Variants in INPP4B observed in about 807,000 individuals in gnomAD.
The protein encoded by INPP4B is inositol polyphosphate 4-phosphatase type II.
A neutral mutation model predicts 122.5 loss-of-function variants in INPP4B; 55 were observed. The ratio of observed to expected loss-of-function variants is 0.45; its 90% confidence interval spans 0.36 to 0.56. The LOEUF (loss-of-function observed/expected upper bound fraction) is 0.56, where lower values mean the gene tolerates loss of function less well. Among genes scored for constraint, INPP4B ranks in the 20% least tolerant of loss-of-function variants. The pLI, the probability that INPP4B is intolerant of heterozygous loss-of-function variation, is 0.00. For missense variants in INPP4B, 1,000 were observed against 1,097.7 expected (o/e 0.91, Z 1.26); for synonymous variants, 403 against 388.7 (o/e 1.04, Z -0.43).
intron 17 of INPP4B, among the ~76,000 whole-genome samples, chr4:142,147,166 G>C (rs1277488130): frequency 6.6e-6 from 1 of 152,056 alleles, no homozygotes; most frequent in East Asian, 1.9e-4. Context: ...CTATAATAGA[G>C]CTATCCCAGG....
At chr4:142,508,050 A>C (rs1824237416) in intron 2 of INPP4B, among the ~76,000 whole-genome samples, 2 of 152,060 alleles carry the variant, frequency 1.3e-5, no homozygotes, top group South Asian at 4.2e-4. Flanking sequence ...TACCACTTTG[A>C]GATATAGATC....
chr4:142,471,673 G>A (rs761740878), intron 2 of INPP4B, among the ~76,000 whole-genome samples: 2 of 152,174 alleles, frequency 1.3e-5, no homozygotes, highest in Non-Finnish European at 2.9e-5. Flanking sequence ...AGCAGTGTAG[G>A]CAGAGATACC....
intron 2 of INPP4B, among the ~76,000 whole-genome samples, chr4:142,465,240 C>A (rs1560689057): frequency 6.6e-6 from 1 of 151,494 alleles, no homozygotes. Context: ...GTCTTTCAGA[C>A]TTTTTTTTTG....
At chr4:142,303,155 C>T (rs1475986488) in intron 9 of INPP4B, among the ~76,000 whole-genome samples, 1 of 152,098 alleles carries the variant, frequency 6.6e-6, no homozygotes, top group African/African-American at 2.4e-5. Flanking sequence ...ATCCTCTGCC[C>T]TTGATCTCCA....
Position 142,086,860 on chromosome 4 carries a change from C to T in INPP4B, c.2375-604G>A, listed in dbSNP as rs552722315. Among the ~76,000 whole-genome samples, 19 of 152,330 alleles carry T rather than the reference C, an allele frequency of 1.2e-4. No homozygotes were observed. In the South Asian group the frequency reaches 3.9e-3, roughly 32 times the overall value. ...GACAAAGATGTTGGCTTCTGTCTCA[C>T]TTTAACAAAAGCATAAGACATAGAT... On this transcript the variant is annotated intron_variant, in intron 23 of 25. Transcript: ENST00000262992.
At chr4:142,759,956 G>C (rs994882272) in intron 1 of INPP4B, among the ~76,000 whole-genome samples, 2 of 151,838 alleles carry the variant, frequency 1.3e-5, no homozygotes, top group Non-Finnish European at 2.9e-5. Context: ...CAGGAGAAAA[G>C]GGGGGCTTTT....
chr4:142,774,933 T>C (rs1773628197), intron 1 of INPP4B, among the ~76,000 whole-genome samples: 1 of 152,078 alleles, frequency 6.6e-6, no homozygotes, highest in Admixed American at 6.6e-5. Context: ...CCAGATTTCA[T>C]CTAGCTATTT....
At chr4:142,628,468 C>A (rs1176877974) in intron 2 of INPP4B, among the ~76,000 whole-genome samples, 4 of 125,256 alleles carry the variant, frequency 3.2e-5, no homozygotes, top group African/African-American at 1.2e-4. Context: ...TGCTAGATGA[C>A]GAGTTAGTGG....
intron 1 of INPP4B, among the ~76,000 whole-genome samples, chr4:142,757,846 A>G (rs1418381523): frequency 6.6e-6 from 1 of 152,176 alleles, no homozygotes. Flanking sequence ...CTCCCAAAGC[A>G]TTTTCACTAT....
chr4:142,639,348 T>G (rs1005798667), intron 2 of INPP4B, among the ~76,000 whole-genome samples: 1 of 152,162 alleles, frequency 6.6e-6, no homozygotes, highest in Non-Finnish European at 1.5e-5. Context: ...ATTTTTTTCT[T>G]GAATGTTTGG....
intron 2 of INPP4B, among the ~76,000 whole-genome samples, chr4:142,536,575 G>A (rs1033664353): frequency 1.2e-4 from 18 of 152,202 alleles, no homozygotes; most frequent in Non-Finnish European, 1.2e-4. Flanking sequence ...ACGTAGAGTG[G>A]TGTGCCCTGG....
At chr4:142,397,934 T>G (rs747137648) in intron 7 of INPP4B, among the ~76,000 whole-genome samples, 4 of 151,832 alleles carry the variant, frequency 2.6e-5, no homozygotes, top group Non-Finnish European at 5.9e-5. Flanking sequence ...GTGAGAGAAA[T>G]CCTATGGACA....
chr4:142,512,184 T>A (rs1824803902), intron 2 of INPP4B, among the ~76,000 whole-genome samples: 1 of 152,150 alleles, frequency 6.6e-6, no homozygotes, highest in Admixed American at 6.5e-5. Flanking sequence ...AGTCTTCATA[T>A]CTTGAAATAA....
chr4:142,568,801 G>C (rs1330859116), intron 2 of INPP4B, among the ~76,000 whole-genome samples: 1 of 152,068 alleles, frequency 6.6e-6, no homozygotes, highest in Non-Finnish European at 1.5e-5. Context: ...TTGCTTCTCT[G>C]TTGGAAAAAG....
At chr4:142,084,198 A>T (rs1483193790) in intron 24 of INPP4B, among the ~76,000 whole-genome samples, 1 of 152,272 alleles carries the variant, frequency 6.6e-6, no homozygotes, top group South Asian at 2.1e-4. Context: ...ATTTCAGCTC[A>T]CTGCAACCAC....
At chr4:142,786,573 T>A (rs1225368962) in intron 1 of INPP4B, among the ~76,000 whole-genome samples, 1 of 152,064 alleles carries the variant, frequency 6.6e-6, no homozygotes, top group Admixed American at 6.6e-5. Context: ...AAAGGACTGA[T>A]ATGAAAATGA....
chr4:142,845,934 G>C (rs994906082), intron 1 of INPP4B, among the ~76,000 whole-genome samples: 1 of 151,994 alleles, frequency 6.6e-6, no homozygotes, highest in Non-Finnish European at 1.5e-5. Context: ...GCGCGCGCCG[G>C]GCAGAGGGGC....
chr4:142,808,357 A>G (rs2151114198), intron 1 of INPP4B, among the ~76,000 whole-genome samples: 1 of 152,324 alleles, frequency 6.6e-6, no homozygotes, highest in Non-Finnish European at 1.5e-5. Flanking sequence ...AGCCGGATGA[A>G]GATACATAAG....
chr4:142,751,050 C>CA, intron 1 of INPP4B, among the ~76,000 whole-genome samples: 1 of 151,778 alleles, frequency 6.6e-6, no homozygotes, highest in East Asian at 1.9e-4. Context: ...ACACTGTAGC[C>CA]AAATAGCAAA....
Sources: gnomAD v4.1 joint callset for allele counts (sites outside exome capture counted in the v4.1 genomes callset) on GRCh38, gnomAD v4.1.1 for gene constraint, MANE v1.5 for transcripts, NCBI Gene and HGNC (gene_info 2026-07-23, HGNC 2026-07-21) for gene names.